The following ADAP1 variants were observed in gnomAD, a reference collection of about 807,000 sequenced individuals.
ADAP1 encodes the protein arf-GAP with dual PH domain-containing protein 1.
A neutral mutation model predicts 54.9 loss-of-function variants in ADAP1; 31 were observed. That is an observed-to-expected ratio of 0.56 (90% CI 0.42 to 0.76). The LOEUF (loss-of-function observed/expected upper bound fraction) is 0.76. Ranked by LOEUF, ADAP1 falls within the 30% of genes least tolerant of loss-of-function variation. The probability of loss-of-function intolerance (pLI) is 0.00; values close to 1 mark genes in which losing one functional copy is unlikely to be tolerated. For synonymous variants in ADAP1, 313 were observed against 202.6 expected (o/e 1.55, Z -4.63); for missense variants, 535 against 512.4 (o/e 1.04, Z -0.42).
chr7:905,219 G>A (rs534633173), intron 4 of ADAP1, 47 bp from the exon 5 acceptor site: 5 of 1,456,530 alleles, frequency 3.4e-6, no homozygotes, highest in African/African-American at 2.9e-5. Flanking sequence ...ATGGGGGGGA[G>A]GAAACAAAAG....
chr7:919,822 G>GGGGAGGGAGGGAGATGGGGGGA, intron 4 of ADAP1, 146 bp downstream of exon 4: 2 of 274,574 alleles, frequency 7.3e-6, no homozygotes, highest in South Asian at 2.6e-5. Flanking sequence ...GAGGGAGATG[G>GGGGAGGGAGGGAGATGGGGGGA]GGGAGGGAGG....
At chr7:917,882 C>T (rs1158138862) in intron 4 of ADAP1, among the ~76,000 whole-genome samples, 25 of 152,002 alleles carry the variant, frequency 1.6e-4, no homozygotes, top group Non-Finnish European at 2.5e-4. Flanking sequence ...GAGATCCTCC[C>T]GCCTCAGTCT....
At chr7:939,683 T>A (rs1221926038) in intron 1 of ADAP1, among the ~76,000 whole-genome samples, 1 of 151,676 alleles carries the variant, frequency 6.6e-6, no homozygotes, top group African/African-American at 2.4e-5. Flanking sequence ...ATACAAAAAT[T>A]AGCCGGGCGT....
chr7:898,527 C>A lies in ADAP1; in HGVS notation c.*394G>T. 4 of 296,808 alleles carry A rather than the reference C, an allele frequency of 1.3e-5. No homozygotes were observed. The South Asian group carries it at 1.5e-4, about 11-fold the overall frequency. The allele number at this position is 296,808 out of a possible 1,614,324, so 18.4% of individuals were successfully genotyped here. A position where few individuals can be genotyped will look rare whatever the true frequency, so the allele number is the denominator to read the frequency against. ...GGGCCCAGTCCCCAGCGGCCGGCAG[C>A]TGCCCACCGTGCTGGCCCCAAGCAG... On this transcript the variant is annotated 3_prime_UTR_variant, in exon 11 of 11. Transcript: ENST00000265846.
chr7:927,266 G>A, intron 2 of ADAP1: 4 of 1,237,668 alleles, frequency 3.2e-6, no homozygotes, highest in Non-Finnish European at 4.2e-6. Context: ...GTTCCAGGAG[G>A]CTCGTGCTCC....
intron 4 of ADAP1, among the ~76,000 whole-genome samples, chr7:919,382 C>T (rs982963242): frequency 4.6e-5 from 7 of 152,268 alleles, no homozygotes; most frequent in Non-Finnish European, 1.0e-4. Flanking sequence ...ATGCACCCCA[C>T]TCCTTCAGGG....
chr7:954,837 G>GC (rs536675978), upstream of ADAP1: 22,780 of 596,280 alleles, frequency 0.038, 1,411 homozygotes, highest in African/African-American at 0.22. Flanking sequence ...CCCGCCGCCC[G>GC]CCCCCCATCC....
At chr7:908,011 C>T (rs1329463896) in intron 4 of ADAP1, among the ~76,000 whole-genome samples, 1 of 152,176 alleles carries the variant, frequency 6.6e-6, no homozygotes, top group Non-Finnish European at 1.5e-5. Context: ...GCTGAGCATC[C>T]GTGGGCCTGT....
chr7:907,383 A>G (rs1845514209), intron 4 of ADAP1, among the ~76,000 whole-genome samples: 3 of 152,136 alleles, frequency 2.0e-5, no homozygotes, highest in African/African-American at 7.2e-5. Flanking sequence ...CCCAGAGCCC[A>G]GGAGCACCAG....
rs919002486 is a variant in ADAP1 at position 946,470 on chromosome 7, G to A, written c.82+7926C>T. On this transcript the variant is annotated intron_variant, in intron 1 of 10. Transcript: ENST00000265846. The surrounding 1 kb of genome is among the most constrained non-coding windows in gnomAD (Gnocchi z 4.3). ...TGGCCCCTACCCGGTTCAGGGACACGTGCCCCTCTCCTGGATCCCTCCCAG... is the reference window on the plus strand; with the variant it reads ...TGGCCCCTACCCGGTTCAGGGACACATGCCCCTCTCCTGGATCCCTCCCAG... Among the ~76,000 whole-genome samples, 1 of 152,092 alleles carries A rather than the reference G, an allele frequency of 6.6e-6. No homozygotes were observed. The highest frequency in any genetic ancestry group is 1.5e-5 in the Non-Finnish European group (1 of 68,022).
intron 1 of ADAP1, among the ~76,000 whole-genome samples, chr7:942,834 G>A (rs111161351): frequency 1.3e-4 from 1 of 7,556 alleles, no homozygotes; most frequent in Non-Finnish European, 3.0e-4. Flanking sequence ...AGGAGGAAGG[G>A]AGAGAGGAGG....
intron 4 of ADAP1, among the ~76,000 whole-genome samples, chr7:906,389 AGAAAGGAGAAAGG>A (rs1845330934): frequency 3.2e-5 from 1 of 31,676 alleles, no homozygotes; most frequent in African/African-American, 1.4e-4. Flanking sequence ...AGGAGAAAGG[AGAAAGGAGAAAGG>A]GAAAGGAGAA....
intron 2 of ADAP1, among the ~76,000 whole-genome samples, chr7:928,993 G>C (rs377074373): frequency 6.6e-6 from 1 of 152,170 alleles, no homozygotes; most frequent in Non-Finnish European, 1.5e-5. Flanking sequence ...AGGGTTCCTC[G>C]GCCATAAAGA....
At chr7:951,819 T>C (rs1026059173) in intron 1 of ADAP1, among the ~76,000 whole-genome samples, 3 of 152,210 alleles carry the variant, frequency 2.0e-5, no homozygotes, top group African/African-American at 7.2e-5. Flanking sequence ...ATGTGTGTTT[T>C]TCTTTTTTTT....
At position 926,531 on chromosome 7, in the gene ADAP1, G is replaced by C; in HGVS notation, c.305+22C>G. The C allele has an allele frequency of 6.6e-7, 1 of 1,516,978 alleles. No individual in the cohort carries two copies. The highest frequency in any genetic ancestry group is 8.8e-7 in the Non-Finnish European group (1 of 1,133,492). The allele number at this position is 1,516,978 out of a possible 1,614,324, so 94.0% of individuals were successfully genotyped here. ...CCACCCAGCACTTGACCATGGCCCT[G>C]ACAAGGCCCCTTTGTACTCACTGGC... On this transcript the variant is annotated intron_variant, in intron 3 of 10. Transcript: ENST00000265846. This position sits in a 1 kb window ranked among gnomAD's most constrained non-coding sequence, Gnocchi z 4.6.
At chr7:909,596 G>A (rs1057159958) in intron 4 of ADAP1, among the ~76,000 whole-genome samples, 1 of 152,234 alleles carries the variant, frequency 6.6e-6, no homozygotes, top group Non-Finnish European at 1.5e-5. Context: ...TGGCCTCGCT[G>A]GGGAGGGCCA....
At chr7:905,298 C>CTGGGG (rs1180294864) in intron 4 of ADAP1, 126 bp from the exon 5 acceptor site, 1 of 260,152 alleles carries the variant, frequency 3.8e-6, no homozygotes, top group East Asian at 6.6e-5. Context: ...GGGACACGGA[C>CTGGGG]AGGGGGAGAC....
intron 4 of ADAP1, among the ~76,000 whole-genome samples, chr7:906,485 AGAAAGG>A (rs1562914375): frequency 3.3e-4 from 18 of 54,806 alleles, no homozygotes; most frequent in East Asian, 5.7e-4. Context: ...AGGAGAAAGG[AGAAAGG>A]GAAAGGAGAA....
At chr7:935,193 G>A (rs1430011728) in intron 2 of ADAP1, 182 bp downstream of exon 2, 6 of 848,152 alleles carry the variant, frequency 7.1e-6, no homozygotes, top group Admixed American at 2.0e-5. Context: ...GGTGGGTGGA[G>A]CAGCCACACA....
Sources: gnomAD v4.1 joint callset for allele counts (sites outside exome capture counted in the v4.1 genomes callset) on GRCh38, gnomAD v4.1.1 for gene constraint, Gnocchi (gnomAD v3.1) non-coding constraint, MANE v1.5 for transcripts, NCBI Gene and HGNC (gene_info 2026-07-23, HGNC 2026-07-21) for gene names.